COMMD7: variants seen among roughly 807,000 people sequenced by gnomAD.
COMMD7 encodes the protein COMM domain containing 7.
In COMMD7, 28 loss-of-function variants were observed where a neutral mutation model predicts 34.8. That is an observed-to-expected ratio of 0.80 (90% confidence interval 0.60 to 1.10). COMMD7 has a LOEUF of 1.10. Ranked by LOEUF, COMMD7 falls within the 50% of genes least tolerant of loss-of-function variation. The pLI is 0.00. For synonymous variants in COMMD7, 80 were observed against 86.4 expected (o/e 0.93, Z 0.41); for missense variants, 211 against 241.6 (o/e 0.87, Z 0.84).
At chr20:32,703,647 A>C (rs1600958484) in intron 8 of COMMD7, 189 bp from the exon 9 acceptor site, 1 of 1,429,614 alleles carries the variant, frequency 7.0e-7, no homozygotes, top group South Asian at 1.5e-5. Flanking sequence ...GCTCCAAAGG[A>C]AAAAAAAGGG....
intron 3 of COMMD7, among the ~76,000 whole-genome samples, chr20:32,707,950 A>C (rs1010876589): frequency 6.6e-6 from 1 of 152,236 alleles, no homozygotes; most frequent in Non-Finnish European, 1.5e-5. Context: ...AGTGACCATT[A>C]TACTGAACAC....
At chr20:32,717,948 G>GC (rs1984899642) in intron 3 of COMMD7, among the ~76,000 whole-genome samples, 1 of 151,902 alleles carries the variant, frequency 6.6e-6, no homozygotes, top group Non-Finnish European at 1.5e-5. Context: ...AAAGAGCCTG[G>GC]CGTGGTAGTG....
intron 3 of COMMD7, among the ~76,000 whole-genome samples, chr20:32,726,245 G>A (rs1330833515): frequency 6.6e-6 from 1 of 151,864 alleles, no homozygotes; most frequent in African/African-American, 2.4e-5. Flanking sequence ...TCAAAAATTA[G>A]CTGGGCATGG....
chr20:32,716,570 G>A (rs1349183705), intron 3 of COMMD7, among the ~76,000 whole-genome samples: 4 of 152,102 alleles, frequency 2.6e-5, no homozygotes, highest in Admixed American at 6.6e-5. Flanking sequence ...AGCCAAGATC[G>A]TGCCACTGCA....
At chr20:32,711,621 G>A (rs1019966676) in intron 3 of COMMD7, among the ~76,000 whole-genome samples, 7 of 152,096 alleles carry the variant, frequency 4.6e-5, no homozygotes, top group Non-Finnish European at 1.0e-4. Flanking sequence ...AGGGATGGAA[G>A]AGCAAGCTCT....
intron 1 of COMMD7, among the ~76,000 whole-genome samples, chr20:32,728,930 G>C (rs73255926): frequency 0.017 from 2,517 of 152,036 alleles, 69 homozygotes; most frequent in African/African-American, 0.058. Context: ...ACAATAAACT[G>C]TAACACTTTA....
chr20:32,707,291 A>T (rs1568772626), intron 3 of COMMD7, among the ~76,000 whole-genome samples: 1 of 123,768 alleles, frequency 8.1e-6, no homozygotes, highest in Non-Finnish European at 1.9e-5. Flanking sequence ...CTCAAAAAAA[A>T]AAAATATATA....
chr20:32,721,347 C>T (rs1431753774), intron 3 of COMMD7, among the ~76,000 whole-genome samples: 12 of 152,194 alleles, frequency 7.9e-5, no homozygotes, highest in African/African-American at 2.4e-4. Flanking sequence ...CAGTGGCTCA[C>T]ATCTATAATC....
intron 3 of COMMD7, among the ~76,000 whole-genome samples, chr20:32,708,817 G>A (rs1423225424): frequency 1.3e-5 from 2 of 151,920 alleles, no homozygotes; most frequent in South Asian, 2.1e-4. Flanking sequence ...GACTACAGGC[G>A]TGTGCCATGA....
In COMMD7 at chr20:32,703,813, C is replaced by T. The variant is rs1373049321; in HGVS notation, c.526+210G>A. On this transcript the variant is annotated intron_variant, in intron 8 of 8. Transcript: ENST00000278980. ...TTCCCACCCTTTCCCTTTTTCAAAA[C>T]GGCTCTTCAACTGTGGGGGCTCCAA... 1.4e-5 allele frequency: 21 copies of T among 1,528,970 alleles called. No homozygotes were observed. In the East Asian group the frequency reaches 1.5e-4, roughly 11 times the overall value. 94.7% of individuals were successfully genotyped at this position (1,528,970 alleles called of 1,614,324 possible).
At chr20:32,715,730 T>C (rs1984741110) in intron 3 of COMMD7, among the ~76,000 whole-genome samples, 1 of 152,034 alleles carries the variant, frequency 6.6e-6, no homozygotes, top group Admixed American at 6.6e-5. Flanking sequence ...TTACTGGAGC[T>C]CAGGTAGACA....
At position 32,703,796 on chromosome 20, in the gene COMMD7, CT is replaced by C. The variant is rs764971747; in HGVS notation, c.526+226del. ...CAATCCCAGCCATTCCGTTCCCACCCTTTCCCTTTTTCAAAACGGCTCTTCA... is the reference window on the plus strand; with the variant it reads ...CAATCCCAGCCATTCCGTTCCCACCCTTCCCTTTTTCAAAACGGCTCTTCA... On this transcript the variant is annotated intron_variant, in intron 8 of 8. Coordinates refer to ENST00000278980, the MANE Select transcript of COMMD7 (RefSeq NM_053041.3). 2.0e-5 allele frequency: 31 copies of C among 1,529,390 alleles called. 1 individual carries two copies. In the South Asian group the frequency reaches 3.5e-4, roughly 17 times the overall value. 94.7% of individuals were successfully genotyped at this position (1,529,390 alleles called of 1,614,324 possible).
intron 3 of COMMD7, among the ~76,000 whole-genome samples, chr20:32,709,307 C>A (rs143258963): frequency 7.9e-5 from 12 of 151,628 alleles, no homozygotes; most frequent in Admixed American, 6.6e-4. Flanking sequence ...TGGTGGCATG[C>A]GCCTGTAGTC....
In COMMD7 at chr20:32,743,372, G is replaced by A; in HGVS notation, c.20C>T (p.Thr7Ile). 1 of 1,475,166 alleles carries A rather than the reference G, an allele frequency of 6.8e-7. No individual in the cohort carries two copies. 91.4% of individuals were successfully genotyped at this position (1,475,166 alleles called of 1,614,324 possible). A position where few individuals can be genotyped will look rare whatever the true frequency, so the allele number is the denominator to read the frequency against. ...CACGGCCTCCGGCACCGGGTCCTCA[G>A]TGCAGTGCAGGCGGCCCATGGCGCG... The part of the protein sequence containing the change: MGRLHC[T>I]EDPVPEAVGG... Residue 7 changes from threonine (T) to isoleucine (I), a missense_variant, in exon 1 of 9, where the codon ACT becomes ATT. Thr to Ile is a moderately conservative substitution (Grantham distance 89, BLOSUM62 -1). Transcript: ENST00000278980.
At chr20:32,711,955 C>A (rs779148693) in intron 3 of COMMD7, among the ~76,000 whole-genome samples, 1 of 151,442 alleles carries the variant, frequency 6.6e-6, no homozygotes, top group Non-Finnish European at 1.5e-5. Context: ...GAGGCCGAGG[C>A]GGGTGGATCA....
chr20:32,704,137 C>A, intron 7 of COMMD7, 66 bp from the exon 8 acceptor site: 1 of 1,334,200 alleles, frequency 7.5e-7, no homozygotes, highest in Non-Finnish European at 1.0e-6. Context: ...ATTCTTAAAA[C>A]CCTTTGACTT....
Position 32,743,461 on chromosome 20 carries a change from T to G in COMMD7, c.-70A>C, listed in dbSNP as rs1360613244. On this transcript the variant is annotated 5_prime_UTR_variant, in exon 1 of 9. Transcript: ENST00000278980. The stretch of plus-strand genomic sequence containing the variant: ...GCTCAGCTTCCTCCTCCGCTGCCGC[T>G]GCCACCGCTGCCGGCCTCTCCGCGC... The G allele has an allele frequency of 4.5e-6, 5 of 1,110,168 alleles. No homozygotes were observed. In the African/African-American group the frequency reaches 6.6e-5, roughly 15 times the overall value. The allele number at this position is 1,110,168 out of a possible 1,614,324, so 68.8% of individuals were successfully genotyped here. A position where few individuals can be genotyped will look rare whatever the true frequency, so the allele number is the denominator to read the frequency against.
Position 32,705,338 on chromosome 20 carries a change from G to GTA in COMMD7, c.337-436_337-435dup, listed in dbSNP as rs202198472. ...TGTATATATATACATACATATATAT[G>GTA]TATATATATATGTGTGTGTGTATAT... On this transcript the variant is annotated intron_variant, in intron 5 of 8. Transcript: ENST00000278980. Among the ~76,000 whole-genome samples the GTA allele has an allele frequency of 3.7e-3, 534 of 144,766 alleles. 21 individuals are homozygous for GTA. In the East Asian group the frequency reaches 0.088, roughly 24 times the overall value. 95.0% of individuals were successfully genotyped at this position (144,766 alleles called of 152,430 possible). A position where few individuals can be genotyped will look rare whatever the true frequency, so the allele number is the denominator to read the frequency against.
At chr20:32,706,998 G>A (rs981111000) in intron 3 of COMMD7, among the ~76,000 whole-genome samples, 2 of 151,256 alleles carry the variant, frequency 1.3e-5, no homozygotes, top group East Asian at 2.0e-4. Flanking sequence ...TTTTTGCCGG[G>A]CACGGTAGCT....
Sources: gnomAD v4.1 joint callset for allele counts (sites outside exome capture counted in the v4.1 genomes callset) on GRCh38, gnomAD v4.1.1 for gene constraint, MANE v1.5 for transcripts, NCBI Gene and HGNC (gene_info 2026-07-23, HGNC 2026-07-21) for gene names.